Variants in CSGALNACT1 observed in about 807,000 individuals in gnomAD.
CSGALNACT1 encodes beta4GalNAcT-1.
In CSGALNACT1, 52 loss-of-function variants were observed where a neutral mutation model predicts 51.0. The observed-to-expected ratio is 1.02, with a 90% CI of 0.82 to 1.29. The LOEUF is 1.29. Ranked by LOEUF, CSGALNACT1 falls within the 50% of genes most tolerant of loss-of-function variation. The probability of loss-of-function intolerance (pLI) is 0.00; values close to 1 mark genes in which losing one functional copy is unlikely to be tolerated. For missense variants in CSGALNACT1, 935 were observed against 679.2 expected, an observed-to-expected ratio of 1.38 and a Z score of -4.19; for synonymous variants, 341 against 254.4, an observed-to-expected ratio of 1.34 and a Z score of -3.24.
In CSGALNACT1 at chr8:19,525,615, C is replaced by CAAAAAAAAAAAA. The variant is rs34787475; in HGVS notation, c.-296-19497_-296-19486dup. Among the ~76,000 whole-genome samples the CAAAAAAAAAAAA allele has an allele frequency of 9.3e-4, 19 of 20,382 alleles. 3 individuals carry two copies. The highest frequency in any genetic ancestry group is 9.8e-4 in the African/African-American group (6 of 6,098). The allele number at this position is 20,382 out of a possible 152,430, so 13.4% of individuals were successfully genotyped here. A position where few individuals can be genotyped will look rare whatever the true frequency, so the allele number is the denominator to read the frequency against. On this transcript the variant is annotated intron_variant, in intron 3 of 9. Transcript: ENST00000454498. Reference sequence around the variant, plus strand: ...CTGGCTGACAGAGGGAAACTTGTCCCAAAAAAAAAAAAAAAAAAAAAAAAA... The same window carrying CAAAAAAAAAAAA: ...CTGGCTGACAGAGGGAAACTTGTCCCAAAAAAAAAAAAAAAAAAAAAAAAAAAAAAAAAAAAA...
chr8:19,565,866 G>C (rs570900845), intron 3 of CSGALNACT1, among the ~76,000 whole-genome samples: 1 of 152,182 alleles, frequency 6.6e-6, no homozygotes, highest in Non-Finnish European at 1.5e-5. Flanking sequence ...AGCCGAGATC[G>C]TGCCACTGCA....
intron 1 of CSGALNACT1, among the ~76,000 whole-genome samples, chr8:19,626,341 C>G (rs1297312339): frequency 6.6e-6 from 1 of 151,826 alleles, no homozygotes; most frequent in East Asian, 1.9e-4. Context: ...AGACTGTTTT[C>G]AAGAAATGGT....
intron 1 of CSGALNACT1, among the ~76,000 whole-genome samples, chr8:19,729,072 G>A (rs947015000): frequency 4.0e-5 from 6 of 151,516 alleles, no homozygotes; most frequent in Non-Finnish European, 8.8e-5. Context: ...ATATTCCGTG[G>A]ATAAGTCCTT....
chr8:19,663,499 C>T (rs1450447866), intron 1 of CSGALNACT1, among the ~76,000 whole-genome samples: 1 of 151,918 alleles, frequency 6.6e-6, no homozygotes, highest in African/African-American at 2.4e-5. Flanking sequence ...CGAGAGGTTC[C>T]TACAAGCAAC....
chr8:19,442,038 G>C (rs1173465793), intron 5 of CSGALNACT1, among the ~76,000 whole-genome samples: 1 of 152,216 alleles, frequency 6.6e-6, no homozygotes, highest in East Asian at 1.9e-4. Context: ...ACACCAGTTA[G>C]AATGGTGATC....
chr8:19,411,456 C>A (rs1343693701), intron 8 of CSGALNACT1, among the ~76,000 whole-genome samples: 1 of 152,172 alleles, frequency 6.6e-6, no homozygotes, highest in East Asian at 1.9e-4. Context: ...AATGAATGAA[C>A]CAAGAGCCGT....
intron 1 of CSGALNACT1, among the ~76,000 whole-genome samples, chr8:19,743,316 G>A (rs1045706232): frequency 7.2e-5 from 11 of 152,234 alleles, no homozygotes; most frequent in African/African-American, 2.6e-4. Context: ...TCCTAATGTG[G>A]TTCATGACAG....
intron 1 of CSGALNACT1, among the ~76,000 whole-genome samples, chr8:19,633,169 A>G (rs557667897): frequency 1.8e-4 from 28 of 152,202 alleles, no homozygotes; most frequent in African/African-American, 5.1e-4. Context: ...CACAGGAGGT[A>G]CTTGATTATC....
At chr8:19,500,692 G>A (rs1482505138) in intron 4 of CSGALNACT1, among the ~76,000 whole-genome samples, 1 of 152,204 alleles carries the variant, frequency 6.6e-6, no homozygotes, top group African/African-American at 2.4e-5. Context: ...CAGGAGGTTG[G>A]CATTGACTGT....
At position 19,419,698 on chromosome 8, in the gene CSGALNACT1, G is replaced by C. The variant is rs142350684; in HGVS notation, c.1132+642C>G. The stretch of plus-strand genomic sequence containing the variant: ...CTCCTCCCCACCTCGCTTTCTCCTG[G>C]GAATGTTCATGAAAGCTGACCTCCC... On this transcript the variant is annotated intron_variant, in intron 7 of 9. Transcript: ENST00000454498. Among the ~76,000 whole-genome samples the C allele has an allele frequency of 7.1e-3, 1,087 of 152,272 alleles. 8 individuals carry two copies. The highest frequency in any genetic ancestry group is 0.013 in the Non-Finnish European group (859 of 68,024).
At chr8:19,459,249 G>A (rs1425908260) in intron 4 of CSGALNACT1, among the ~76,000 whole-genome samples, 1 of 151,962 alleles carries the variant, frequency 6.6e-6, no homozygotes, top group Non-Finnish European at 1.5e-5. Context: ...AGAGCGTCAT[G>A]TTGTGCGCCT....
intron 3 of CSGALNACT1, among the ~76,000 whole-genome samples, chr8:19,535,381 T>A (rs1277630705): frequency 2.0e-5 from 3 of 152,086 alleles, no homozygotes; most frequent in Non-Finnish European, 4.4e-5. Flanking sequence ...CAACTTCTAC[T>A]CCAAAAGAGC....
At chr8:19,609,549 G>A (rs1164177358) in intron 1 of CSGALNACT1, among the ~76,000 whole-genome samples, 1 of 151,692 alleles carries the variant, frequency 6.6e-6, no homozygotes, top group African/African-American at 2.4e-5. Context: ...ATATCAGCAT[G>A]GATCGTAATT....
At chr8:19,446,225 G>T (rs4921645) in intron 5 of CSGALNACT1, among the ~76,000 whole-genome samples, 99,877 of 151,990 alleles carry the variant, frequency 0.66, 33,311 homozygotes, top group East Asian at 0.85. Context: ...GGAGGAAAAT[G>T]GTATTCGTTA....
chr8:19,474,355 G>C (rs926660626), intron 4 of CSGALNACT1, among the ~76,000 whole-genome samples: 15 of 151,828 alleles, frequency 9.9e-5, no homozygotes, highest in African/African-American at 3.4e-4. Flanking sequence ...TCAAAACTTT[G>C]GCAGTATTTT....
chr8:19,613,211 G>A (rs1589032426), intron 1 of CSGALNACT1, among the ~76,000 whole-genome samples: 1 of 151,940 alleles, frequency 6.6e-6, no homozygotes, highest in Non-Finnish European at 1.5e-5. Context: ...TTTCTATTCT[G>A]TATTTTACAT....
chr8:19,666,801 AAGAAAGAAAGAGAG>A (rs1224711517), intron 1 of CSGALNACT1, among the ~76,000 whole-genome samples: 16 of 21,810 alleles, frequency 7.3e-4, no homozygotes, highest in African/African-American at 4.8e-3. Flanking sequence ...GAAAGAAAGA[AAGAAAGAAAGAGAG>A]AGAGAGAGAG....
intron 1 of CSGALNACT1, among the ~76,000 whole-genome samples, chr8:19,713,230 C>A (rs1378518052): frequency 6.6e-6 from 1 of 152,130 alleles, no homozygotes; most frequent in Non-Finnish European, 1.5e-5. Flanking sequence ...CCGCGCTGGG[C>A]AGACAGGAAT....
At chr8:19,537,400 CT>C (rs1434344733) in intron 3 of CSGALNACT1, among the ~76,000 whole-genome samples, 2 of 152,150 alleles carry the variant, frequency 1.3e-5, no homozygotes, top group African/African-American at 2.4e-5. Flanking sequence ...TATGGTAAGG[CT>C]GCCATTTTTT....
Sources: allele counts gnomAD v4.1 joint callset (sites outside exome capture counted in the v4.1 genomes callset), GRCh38; gene constraint gnomAD v4.1.1; transcripts MANE v1.5; gene names NCBI Gene and HGNC (gene_info 2026-07-23, HGNC 2026-07-21).